Variants in GNG2 observed in about 807,000 individuals in gnomAD.
The protein encoded by GNG2 is guanine nucleotide-binding protein G(I)/G(S)/G(O) subunit gamma-2.
In GNG2, 5 loss-of-function variants were observed where a neutral mutation model predicts 5.5. That is an observed-to-expected ratio of 0.91 (90% CI 0.48 to 1.92). The LOEUF (loss-of-function observed/expected upper bound fraction) is 1.92, where lower values mean the gene tolerates loss of function less well. Ranked by LOEUF, GNG2 falls within the 30% of genes most tolerant of loss-of-function variation. The probability of loss-of-function intolerance (pLI) is 0.01; values close to 1 mark genes in which losing one functional copy is unlikely to be tolerated. For missense variants in GNG2, 55 were observed against 88.4 expected, an observed-to-expected ratio of 0.62 and a Z score of 1.52; for synonymous variants, 28 against 32.0, an observed-to-expected ratio of 0.88 and a Z score of 0.42.
At chr14:51,960,657 T>TAAAA (rs1889559886) in intron 3 of GNG2, among the ~76,000 whole-genome samples, 2 of 151,816 alleles carry the variant, frequency 1.3e-5, no homozygotes, top group African/African-American at 4.9e-5. Context: ...TTAACAATAG[T>TAAAA]TAACAGTTAA....
intron 2 of GNG2, among the ~76,000 whole-genome samples, chr14:51,882,429 A>G (rs1884143254): frequency 6.6e-6 from 1 of 152,202 alleles, no homozygotes; most frequent in South Asian, 2.1e-4. Flanking sequence ...AAATTGTTCT[A>G]TTCTGTTCCA....
chr14:51,888,130 G>C (rs967619060), intron 2 of GNG2, among the ~76,000 whole-genome samples: 2 of 152,040 alleles, frequency 1.3e-5, no homozygotes, highest in African/African-American at 4.8e-5. Flanking sequence ...GTTTCCTCAT[G>C]CTCCATGATC....
chr14:51,962,023 T>A (rs148892245), intron 3 of GNG2, among the ~76,000 whole-genome samples: 96 of 152,312 alleles, frequency 6.3e-4, no homozygotes, highest in African/African-American at 2.2e-3. Context: ...TACTCCTGCA[T>A]AGTTATGAAC....
intron 2 of GNG2, among the ~76,000 whole-genome samples, chr14:51,941,806 C>CTGTT (rs1888331134): frequency 6.6e-6 from 1 of 152,150 alleles, no homozygotes; most frequent in Admixed American, 6.6e-5. Context: ...GTTATTGTTC[C>CTGTT]ATAACAGGCC....
intron 1 of GNG2, among the ~76,000 whole-genome samples, chr14:51,871,157 G>A (rs988748475): frequency 2.0e-5 from 3 of 151,884 alleles, no homozygotes; most frequent in East Asian, 3.9e-4. Flanking sequence ...GTCCTTTGCC[G>A]TTTTTTTAAA....
At chr14:51,874,425 A>C (rs1256682051) in intron 1 of GNG2, among the ~76,000 whole-genome samples, 1 of 41,986 alleles carries the variant, frequency 2.4e-5, no homozygotes, top group Non-Finnish European at 5.0e-5. Context: ...ACTCTGTCTC[A>C]AAAAAAAAAA....
chr14:51,947,461 G>T (rs1221518433), intron 2 of GNG2, among the ~76,000 whole-genome samples: 1 of 152,102 alleles, frequency 6.6e-6, no homozygotes, highest in Non-Finnish European at 1.5e-5. Context: ...AGAGTGATGT[G>T]ACATGAGAAG....
chr14:51,924,393 G>C (rs1298813908), intron 2 of GNG2, among the ~76,000 whole-genome samples: 1 of 152,146 alleles, frequency 6.6e-6, no homozygotes, highest in Non-Finnish European at 1.5e-5. Context: ...ATTCATTTGA[G>C]TTGAGATTAG....
chr14:51,908,351 C>T (rs1286117620), intron 2 of GNG2, among the ~76,000 whole-genome samples: 1 of 152,170 alleles, frequency 6.6e-6, no homozygotes, highest in Non-Finnish European at 1.5e-5. Context: ...GTTGGTCACA[C>T]AGGATGTGAA....
At chr14:51,859,321 G>T (rs1288174134), upstream of GNG2, among the ~76,000 whole-genome samples, 4 of 152,132 alleles carry the variant, frequency 2.6e-5, no homozygotes, top group Non-Finnish European at 4.4e-5. Flanking sequence ...AGTACCTTGT[G>T]TTAGTACTAG....
chr14:51,942,571 C>CTCTTTCTTTCTTTCTT lies in GNG2; in HGVS notation c.-29-8073_-29-8058dup, dbSNP rs1555356824. On this transcript the variant is annotated intron_variant, in intron 2 of 3. Coordinates refer to ENST00000556766, the MANE Select transcript of GNG2 (RefSeq NM_053064.5). ...ATTATTAGAATTTTATTTATTTTTTCTCTTTCTTTCTTTCTTTCTTTTTTT... is the reference window on the plus strand; with the variant it reads ...ATTATTAGAATTTTATTTATTTTTTCTCTTTCTTTCTTTCTTTCTTTCTTTCTTTCTTTCTTTTTTT... 3.1e-4 allele frequency among the ~76,000 whole-genome samples: 17 copies of CTCTTTCTTTCTTTCTT among 55,666 alleles called. 1 individual carries two copies. The highest frequency in any genetic ancestry group is 1.2e-3 in the East Asian group (3 of 2,500). The allele number at this position is 55,666 out of a possible 152,430, so 36.5% of individuals were successfully genotyped here.
intron 1 of GNG2, among the ~76,000 whole-genome samples, chr14:51,873,108 G>A (rs1883419179): frequency 6.6e-6 from 1 of 152,168 alleles, no homozygotes; most frequent in African/African-American, 2.4e-5. Context: ...TAATCTTGGA[G>A]TGTTTAAGGA....
chr14:51,893,624 T>C (rs1484075658), intron 2 of GNG2, among the ~76,000 whole-genome samples: 1 of 152,114 alleles, frequency 6.6e-6, no homozygotes, highest in Non-Finnish European at 1.5e-5. Flanking sequence ...ATGTCTGTGT[T>C]TTCCTTTATA....
At chr14:51,908,233 C>G (rs186911001) in intron 2 of GNG2, among the ~76,000 whole-genome samples, 1 of 152,322 alleles carries the variant, frequency 6.6e-6, no homozygotes, top group East Asian at 1.9e-4. Context: ...TGCTCATGAC[C>G]TGGCTTTTCC....
chr14:51,902,947 G>A (rs538565112), intron 2 of GNG2, among the ~76,000 whole-genome samples: 2 of 152,098 alleles, frequency 1.3e-5, no homozygotes, highest in Non-Finnish European at 2.9e-5. Context: ...CAATGCAGGA[G>A]AACTATTGTG....
intron 2 of GNG2, among the ~76,000 whole-genome samples, chr14:51,902,700 T>C (rs1885646554): frequency 1.3e-5 from 2 of 152,270 alleles, no homozygotes; most frequent in South Asian, 4.2e-4. Context: ...AAGACCAGCC[T>C]GGACAACATA....
chr14:51,924,869 T>G (rs1181577757), intron 2 of GNG2, among the ~76,000 whole-genome samples: 1 of 152,240 alleles, frequency 6.6e-6, no homozygotes, highest in Non-Finnish European at 1.5e-5. Flanking sequence ...GTGTTCATCA[T>G]CCTAATAACA....
At chr14:51,828,368 C>T (rs1280133707) in intron 2 of GNG2, among the ~76,000 whole-genome samples, 1 of 152,146 alleles carries the variant, frequency 6.6e-6, no homozygotes, top group Non-Finnish European at 1.5e-5. Flanking sequence ...AAAATGGTTC[C>T]AGGGCACAAT....
At chr14:51,966,392 G>A (rs1364008153) in intron 3 of GNG2, among the ~76,000 whole-genome samples, 167 bp from the exon 4 acceptor site, 1 of 152,068 alleles carries the variant, frequency 6.6e-6, no homozygotes, top group Non-Finnish European at 1.5e-5. Flanking sequence ...TGTAAGGTCA[G>A]TGTCGTCAAC....
Sources: gnomAD v4.1 joint callset for allele counts (sites outside exome capture counted in the v4.1 genomes callset) on GRCh38, gnomAD v4.1.1 for gene constraint, MANE v1.5 for transcripts, NCBI Gene and HGNC (gene_info 2026-07-23, HGNC 2026-07-21) for gene names.